Variants in QSER1 observed in about 807,000 individuals in gnomAD.
QSER1 encodes the protein glutamine and serine-rich protein 1.
Under a neutral mutation model 158.5 loss-of-function variants are expected in QSER1, and 49 were observed. The ratio of observed to expected loss-of-function variants is 0.31; its 90% CI spans 0.25 to 0.39. The LOEUF (loss-of-function observed/expected upper bound fraction) is 0.39, where lower values mean the gene tolerates loss of function less well. Ranked by LOEUF, QSER1 falls within the 10% of genes least tolerant of loss-of-function variation. QSER1 has a pLI of 1.00. For missense variants in QSER1, 1,754 were observed against 2,010.3 expected (o/e 0.87, Z 2.44); for synonymous variants, 650 against 715.5 (o/e 0.91, Z 1.46).
rs533766679 is a variant in QSER1, at chr11:32,913,396, T to C, written c.210-13761T>C. On this transcript the variant is annotated intron_variant, in intron 1 of 12. Coordinates refer to ENST00000650167, the MANE Select transcript of QSER1 (RefSeq NM_001076786.3). ...TTTTAGTAGAGACGAGGTTTCATCG[T>C]GTTAGCCAGGATGGTCTCGATCTCT... Among the ~76,000 whole-genome samples the C allele has an allele frequency of 3.9e-5, 6 of 152,092 alleles. No individual in the cohort carries two copies. In the South Asian group the frequency reaches 1.2e-3, roughly 32 times the overall value.
rs1218119282 is a variant in QSER1, at chr11:32,932,054, G to A, written c.796G>A (p.Ala266Thr). ...ACCTCAGTCTTCAACATACCGCTCA[G>A]CTCAAGAGTCTGCACCCCATCTTTT... ...IPPQSSTYRS[A>T]QESAPHLLQP... The change falls in exon 4 of 13, where the codon GCT becomes ACT. Residue 266 changes from alanine (A) to threonine (T), a missense_variant. Physicochemically the swap from Ala to Thr is moderately conservative, Grantham distance 58. Transcript: ENST00000650167. 6.2e-7 allele frequency: 1 copy of A among 1,614,054 alleles called. No individual in the cohort carries two copies. Among genetic ancestry groups the A allele is most frequent in the Non-Finnish European group, 8.5e-7 (1 of 1,180,040 alleles).
intron 1 of QSER1, among the ~76,000 whole-genome samples, chr11:32,900,541 A>G (rs978414164): frequency 2.6e-5 from 4 of 152,098 alleles, no homozygotes; most frequent in Admixed American, 2.6e-4. Flanking sequence ...CCTAGGTGAC[A>G]GAGCAAGACT....
rs770881385 is a variant in QSER1 at position 32,924,303 on chromosome 11, C to T, written c.210-2854C>T. On this transcript the variant is annotated intron_variant, in intron 1 of 12. Transcript: ENST00000650167. Reference sequence around the variant, plus strand: ...TGGAGGCCAGGTGTGGTGGCTCACACCTGTAATCCTAGCACTTTGGGAGTC... The same window carrying T: ...TGGAGGCCAGGTGTGGTGGCTCACATCTGTAATCCTAGCACTTTGGGAGTC... Among the ~76,000 whole-genome samples the T allele has an allele frequency of 3.9e-5, 6 of 152,068 alleles. No homozygotes were observed. The South Asian group carries it at 1.0e-3, about 26-fold the overall frequency.
intron 1 of QSER1, among the ~76,000 whole-genome samples, chr11:32,907,681 A>G (rs1851711956): frequency 6.6e-6 from 1 of 152,238 alleles, no homozygotes; most frequent in East Asian, 1.9e-4. Context: ...AAAATAAGAG[A>G]TAACCATCCA....
In QSER1 at chr11:32,934,924, G is replaced by A; in HGVS notation, c.3666G>A (p.Leu1222=). ...AAGACAACAGTAATCAGAAACAGCT[G>A]AAAAGACCTGCCCAAGGCAAACGCC... The part of the protein sequence containing the change: ...KEEDNSNQKQ[L]KRPAQGKRQN... Residue 1222 remains leucine (L), a synonymous_variant, in exon 4 of 13, where the codon CTG becomes CTA. Coordinates refer to ENST00000650167, the MANE Select transcript of QSER1 (RefSeq NM_001076786.3). 1 of 1,613,734 alleles carries A rather than the reference G, an allele frequency of 6.2e-7. No homozygotes were observed. The highest frequency in any genetic ancestry group is 8.5e-7 in the Non-Finnish European group (1 of 1,179,944).
intron 1 of QSER1, among the ~76,000 whole-genome samples, chr11:32,910,035 C>T (rs906660445): frequency 1.3e-5 from 2 of 152,136 alleles, no homozygotes; most frequent in African/African-American, 2.4e-5. Flanking sequence ...CATGTCTGAC[C>T]GTTAACTACT....
At chr11:32,904,774 G>T (rs1851671081) in intron 1 of QSER1, among the ~76,000 whole-genome samples, 2 of 152,052 alleles carry the variant, frequency 1.3e-5, no homozygotes, top group African/African-American at 4.8e-5. Flanking sequence ...TCCTCATGTT[G>T]ATCAGTGGCC....
At chr11:32,915,921 G>GT (rs763908776) in intron 1 of QSER1, among the ~76,000 whole-genome samples, 2,094 of 142,052 alleles carry the variant, frequency 0.015, 15 homozygotes, top group Non-Finnish European at 0.018. Context: ...ATATAATTTT[G>GT]TTTTTTTTTT....
In QSER1 at chr11:32,980,034, A is replaced by G. The variant is rs1853044378; in HGVS notation, c.*3560A>G. 6.6e-6 allele frequency: 1 copy of G among 152,650 alleles called. No homozygotes were observed. The highest frequency in any genetic ancestry group is 1.5e-5 in the Non-Finnish European group (1 of 68,040). The allele number at this position is 152,650 out of a possible 1,614,324, so 9.5% of individuals were successfully genotyped here. A position where few individuals can be genotyped will look rare whatever the true frequency, so the allele number is the denominator to read the frequency against. ...GAACAGTGTATACTCTTGGTTGTGC[A>G]TTAACTTACATGTATAATTTTTGGC... On this transcript the variant is annotated 3_prime_UTR_variant, in exon 13 of 13. Coordinates refer to ENST00000650167, the MANE Select transcript of QSER1 (RefSeq NM_001076786.3).
chr11:32,935,521 A>C (rs564428028), intron 4 of QSER1, 86 bp downstream of exon 4: 4 of 1,001,604 alleles, frequency 4.0e-6, no homozygotes, highest in Admixed American at 5.3e-5. Context: ...TTTCACTTAA[A>C]GCAGGTCTGC....
At chr11:32,956,709 A>G (rs996193940) in intron 7 of QSER1, among the ~76,000 whole-genome samples, 4 of 152,080 alleles carry the variant, frequency 2.6e-5, no homozygotes, top group Non-Finnish European at 4.4e-5. Context: ...ATTCCCACCT[A>G]CTGGAAGCAG....
intron 8 of QSER1, among the ~76,000 whole-genome samples, chr11:32,965,986 CGA>C (rs1364612813): frequency 6.7e-6 from 1 of 149,610 alleles, no homozygotes; most frequent in African/African-American, 2.5e-5. Flanking sequence ...CACACACACA[CGA>C]ATCACCTAGG....
chr11:32,929,089 T>C (rs1477851658), intron 3 of QSER1, among the ~76,000 whole-genome samples: 2 of 152,120 alleles, frequency 1.3e-5, no homozygotes, highest in Non-Finnish European at 2.9e-5. Context: ...TTAAAGTTTT[T>C]GTGGTTTTTT....
At position 32,932,471 on chromosome 11, in the gene QSER1, T is replaced by C. The variant is rs778339583; in HGVS notation, c.1213T>C (p.Ser405Pro). 3.1e-6 allele frequency: 5 copies of C among 1,613,720 alleles called. No individual in the cohort carries two copies. The highest frequency in any genetic ancestry group is 4.5e-5 in the East Asian group (2 of 44,882). ...SAIPSSGYPP[S>P]TTKIKSCSTE... is the part of the protein sequence containing the mutation. ...GATTCCATCATCAGGGTATCCTCCT[T>C]CTACTACAAAAATAAAAAGCTGTTC... is the stretch of plus-strand genomic sequence containing the variant. The change falls in exon 4 of 13, where the codon TCT becomes CCT. Residue 405 changes from serine (S) to proline (P), a missense_variant. By Grantham distance (74) the Ser-to-Pro change is moderately conservative. Around this residue, in one of 2 missense-constraint regions of QSER1, gnomAD observed 1,707 missense variants for 1,919.6 expected, o/e 0.89. Coordinates refer to ENST00000650167, the MANE Select transcript of QSER1 (RefSeq NM_001076786.3).
intron 1 of QSER1, among the ~76,000 whole-genome samples, chr11:32,923,750 A>C (rs1166198652): frequency 1.4e-4 from 21 of 151,972 alleles, no homozygotes; most frequent in Non-Finnish European, 2.9e-4. Context: ...CGGGTGGATC[A>C]CGAGATCAGA....
intron 4 of QSER1, among the ~76,000 whole-genome samples, chr11:32,941,373 T>C (rs1852231440): frequency 2.9e-5 from 3 of 102,850 alleles, no homozygotes; most frequent in Admixed American, 2.2e-4. Context: ...CCCAATGCTA[T>C]CCCTCCCCCC....
intron 1 of QSER1, among the ~76,000 whole-genome samples, chr11:32,911,189 C>T (rs1241807899): frequency 6.6e-6 from 1 of 152,026 alleles, no homozygotes; most frequent in Non-Finnish European, 1.5e-5. Flanking sequence ...CTTCCTCTAC[C>T]TTTCCCTTAA....
chr11:32,964,714 C>A (rs1282081934), intron 8 of QSER1, among the ~76,000 whole-genome samples: 4 of 40,928 alleles, frequency 9.8e-5, no homozygotes, highest in South Asian at 8.5e-4. Context: ...AAAAAAAAAA[C>A]ACCATATATA....
At chr11:32,958,852 G>T (rs116977162) in intron 8 of QSER1, among the ~76,000 whole-genome samples, 2,961 of 152,220 alleles carry the variant, frequency 0.019, 45 homozygotes, top group South Asian at 0.039. Context: ...TACCTATAAC[G>T]AAGGTAGGAT....
Sources: gnomAD v4.1 joint callset for allele counts (sites outside exome capture counted in the v4.1 genomes callset) on GRCh38, gnomAD v4.1.1 for gene constraint, gnomAD v4.1.1 regional missense constraint, MANE v1.5 for transcripts, NCBI Gene and HGNC (gene_info 2026-07-23, HGNC 2026-07-21) for gene names.